PSIP1: variants seen among roughly 807,000 people sequenced by gnomAD.
PSIP1 encodes PC4 and SRSF1 interacting protein 1, also known as PC4 and SFRS1-interacting protein.
PSIP1 carries 19 observed loss-of-function variants against 74.7 expected under a neutral mutation model. The ratio of observed to expected loss-of-function variants is 0.25; its 90% CI spans 0.18 to 0.37. The LOEUF is 0.37. PSIP1 is among the 10% of genes least tolerant of loss of function. PSIP1 has a pLI of 1.00. For synonymous variants in PSIP1, 222 were observed against 195.3 expected (o/e 1.14, Z -1.14); for missense variants, 601 against 614.3 (o/e 0.98, Z 0.23).
intron 10 of PSIP1, chr9:15,471,548 TA>T (rs2035831473): frequency 1.0e-6 from 1 of 971,914 alleles, no homozygotes; most frequent in South Asian, 4.8e-5. Context: ...AGTGAAAAGA[TA>T]GAATAGAAAA....
At chr9:15,489,065 G>C (rs2036703716) in intron 4 of PSIP1, among the ~76,000 whole-genome samples, 1 of 152,014 alleles carries the variant, frequency 6.6e-6, no homozygotes, top group Non-Finnish European at 1.5e-5. Flanking sequence ...CAACACAAAG[G>C]AGAAGTAAGA....
chr9:15,510,168 A>G lies in PSIP1; in HGVS notation c.21T>C (p.Pro7=). 3.7e-6 allele frequency: 6 copies of G among 1,606,800 alleles called. No homozygotes were observed. The highest frequency in any genetic ancestry group is 5.1e-6 in the Non-Finnish European group (6 of 1,176,856). MTRDFK[P]GDLIFAKMKG... is the part of the protein sequence containing the mutation. ...TCATCTTGGCGAAGATGAGGTCTCC[A>G]GGTTTGAAATCGCGAGTCATGTTTC... The change falls in exon 2 of 16, where the codon CCT becomes CCC. Residue 7 remains proline, a synonymous_variant. Transcript: ENST00000380733.
chr9:15,469,810 G>T, intron 11 of PSIP1, 128 bp downstream of exon 11: 1 of 743,586 alleles, frequency 1.3e-6, no homozygotes, highest in Non-Finnish European at 2.2e-6. Flanking sequence ...GCCCATTAGG[G>T]ATTTGAAAAA....
chr9:15,476,134 T>C (rs1329644538), intron 8 of PSIP1, among the ~76,000 whole-genome samples: 2 of 152,158 alleles, frequency 1.3e-5, no homozygotes, highest in African/African-American at 4.8e-5. Context: ...TGTGCCCAGA[T>C]ACACAGCCAA....
At chr9:15,501,552 T>G (rs530174195) in intron 3 of PSIP1, among the ~76,000 whole-genome samples, 1 of 151,940 alleles carries the variant, frequency 6.6e-6, no homozygotes, top group African/African-American at 2.4e-5. Flanking sequence ...ATTTTTACAA[T>G]AGAAAAAAGC....
chr9:15,472,090 G>C, intron 10 of PSIP1: 1 of 981,774 alleles, frequency 1.0e-6, no homozygotes, highest in Non-Finnish European at 1.2e-6. Flanking sequence ...GTCTCTATAA[G>C]TATCAAAATT....
At chr9:15,501,260 A>C (rs1429603916) in intron 3 of PSIP1, among the ~76,000 whole-genome samples, 2 of 152,018 alleles carry the variant, frequency 1.3e-5, no homozygotes, top group African/African-American at 4.8e-5. Flanking sequence ...GACTTTATCT[A>C]GTGCACAAAG....
rs772213635 is a variant in PSIP1, at chr9:15,466,863, G to A, written c.1421-4C>T. On this transcript the variant is annotated splice_region_variant and splice_polypyrimidine_tract_variant and intron_variant, in intron 14 of 15. Coordinates refer to ENST00000380733, the MANE Select transcript of PSIP1 (RefSeq NM_033222.5). ...CCTCCATTTAGAGTCTTTGACCCTTGCGAAGGAATCCAATGGAAAAACTTT... is the reference window on the plus strand; with the variant it reads ...CCTCCATTTAGAGTCTTTGACCCTTACGAAGGAATCCAATGGAAAAACTTT... The A allele has an allele frequency of 6.2e-7, 1 of 1,603,612 alleles. No homozygotes were observed. Among genetic ancestry groups the A allele is most frequent in the Non-Finnish European group, 8.5e-7 (1 of 1,174,832 alleles).
At chr9:15,475,254 T>G (rs1002615904) in intron 8 of PSIP1, among the ~76,000 whole-genome samples, 1 of 152,172 alleles carries the variant, frequency 6.6e-6, no homozygotes, top group Non-Finnish European at 1.5e-5. Context: ...TCTCTGGGAT[T>G]AAAACCATCC....
intron 2 of PSIP1, among the ~76,000 whole-genome samples, chr9:15,508,288 A>C (rs1278796890): frequency 1.3e-5 from 2 of 152,198 alleles, no homozygotes; most frequent in African/African-American, 2.4e-5. Context: ...AATTTTTAAG[A>C]ATGAAGAAGA....
intron 9 of PSIP1, among the ~76,000 whole-genome samples, chr9:15,473,170 A>G (rs1247176090): frequency 6.6e-6 from 1 of 152,216 alleles, no homozygotes; most frequent in Non-Finnish European, 1.5e-5. Flanking sequence ...CTCTAAGGCT[A>G]TACACAAAAT....
At chr9:15,501,866 T>TAAAA (rs1554664089) in intron 3 of PSIP1, among the ~76,000 whole-genome samples, 1 of 135,654 alleles carries the variant, frequency 7.4e-6, no homozygotes, top group African/African-American at 2.8e-5. Context: ...TATATATATA[T>TAAAA]AAAACGCACA....
At chr9:15,493,594 G>A (rs891012037) in intron 3 of PSIP1, among the ~76,000 whole-genome samples, 11 of 152,262 alleles carry the variant, frequency 7.2e-5, no homozygotes, top group African/African-American at 2.4e-4. Context: ...ACCCAAGACT[G>A]GATAGTTTAT....
chr9:15,477,766 G>A (rs940049345), intron 8 of PSIP1, among the ~76,000 whole-genome samples: 1 of 151,996 alleles, frequency 6.6e-6, no homozygotes, highest in Admixed American at 6.6e-5. Flanking sequence ...ATTCTGAAAT[G>A]CTTTAAAAAT....
chr9:15,505,846 G>C (rs989200278), intron 3 of PSIP1: 14 of 152,294 alleles, frequency 9.2e-5, no homozygotes, highest in African/African-American at 3.4e-4. Flanking sequence ...AATCAGAATA[G>C]CAATAGTTTT....
Position 15,510,332 on chromosome 9 carries a change from A to G in PSIP1, c.-141-3T>C. 3.3e-6 allele frequency: 1 copy of G among 298,656 alleles called. No individual in the cohort carries two copies. The highest frequency in any genetic ancestry group is 3.1e-5 in the South Asian group (1 of 32,444). 18.5% of individuals were successfully genotyped at this position (298,656 alleles called of 1,614,324 possible). ...CTCGGGGCGTCCCGACGCGCCTGCT[A>G]GGGAGAGCACCGAGGGCGGTTAAAG... On this transcript the variant is annotated splice_region_variant and splice_polypyrimidine_tract_variant and intron_variant, in intron 1 of 15. Transcript: ENST00000380733.
At chr9:15,472,095 A>C in intron 10 of PSIP1, 1 of 983,134 alleles carries the variant, frequency 1.0e-6, no homozygotes, top group Non-Finnish European at 1.2e-6. Context: ...TATAAGTATC[A>C]AAATTTAAGA....
chr9:15,503,756 T>C (rs2037453170), intron 3 of PSIP1, among the ~76,000 whole-genome samples: 1 of 152,134 alleles, frequency 6.6e-6, no homozygotes, highest in Non-Finnish European at 1.5e-5. Flanking sequence ...TTTTTTTGTT[T>C]GTTTTTTAGA....
chr9:15,487,245 T>G (rs967702312), intron 4 of PSIP1, among the ~76,000 whole-genome samples: 2 of 151,168 alleles, frequency 1.3e-5, no homozygotes, highest in Admixed American at 6.6e-5. Flanking sequence ...GCTTGGCAAT[T>G]TGGAGGATAA....
Sources: gnomAD v4.1 joint callset for allele counts (sites outside exome capture counted in the v4.1 genomes callset) on GRCh38, gnomAD v4.1.1 for gene constraint, MANE v1.5 for transcripts, NCBI Gene and HGNC (gene_info 2026-07-23, HGNC 2026-07-21) for gene names.